DACH1: variants seen among roughly 807,000 people sequenced by gnomAD.
The protein encoded by DACH1 is dachshund family transcription factor 1.
A neutral mutation model predicts 54.2 loss-of-function variants in DACH1; 12 were observed. The ratio of observed to expected loss-of-function variants is 0.22; its 90% CI spans 0.14 to 0.36. DACH1 has a LOEUF of 0.36. Among genes scored for constraint, DACH1 ranks in the 10% least tolerant of loss-of-function variants. The pLI is 1.00. For synonymous variants in DACH1, 386 were observed against 366.2 expected, an observed-to-expected ratio of 1.05 and a Z score of -0.62; for missense variants, 805 against 929.8, an observed-to-expected ratio of 0.87 and a Z score of 1.75.
chr13:71,675,455 T>C (rs908079056), intron 2 of DACH1: 12 of 1,492,024 alleles, frequency 8.0e-6, no homozygotes, highest in Non-Finnish European at 1.0e-5. Flanking sequence ...GCACGCCGCA[T>C]ACGTGGAGAA....
chr13:71,609,788 A>G (rs958032160), intron 3 of DACH1, among the ~76,000 whole-genome samples: 4 of 152,146 alleles, frequency 2.6e-5, no homozygotes, highest in Non-Finnish European at 5.9e-5. Flanking sequence ...CAGCCTCCCA[A>G]AGTGCTGGGA....
At chr13:71,533,866 T>C (rs932120889) in intron 6 of DACH1, among the ~76,000 whole-genome samples, 3 of 152,026 alleles carry the variant, frequency 2.0e-5, no homozygotes, top group Non-Finnish European at 4.4e-5. Context: ...TTTTTATTGG[T>C]ATTTCAACAA....
intron 3 of DACH1, among the ~76,000 whole-genome samples, chr13:71,606,490 A>G (rs1421781501): frequency 6.6e-6 from 1 of 152,102 alleles, no homozygotes; most frequent in African/African-American, 2.4e-5. Context: ...ACAGATATAA[A>G]AAATCTTCCT....
chr13:71,465,796 T>C (rs1327621116), intron 10 of DACH1, among the ~76,000 whole-genome samples: 2 of 152,138 alleles, frequency 1.3e-5, no homozygotes, highest in African/African-American at 4.8e-5. Flanking sequence ...TTCCTAGTTA[T>C]TTGGAATTCA....
intron 2 of DACH1, among the ~76,000 whole-genome samples, chr13:71,668,408 T>C (rs1195336089): frequency 1.3e-5 from 2 of 152,060 alleles, no homozygotes; most frequent in African/African-American, 2.4e-5. Flanking sequence ...TCCAAAATTA[T>C]TGCATTTCTG....
At chr13:71,471,489 G>A (rs1011423738) in intron 10 of DACH1, among the ~76,000 whole-genome samples, 2 of 152,032 alleles carry the variant, frequency 1.3e-5, no homozygotes, top group Admixed American at 6.5e-5. Context: ...GGCCAGGAGC[G>A]GTGGCTCACG....
intron 1 of DACH1, among the ~76,000 whole-genome samples, chr13:71,815,910 C>T (rs1887899699): frequency 6.6e-6 from 1 of 151,772 alleles, no homozygotes; most frequent in Non-Finnish European, 1.5e-5. Context: ...ACGGTGAAAC[C>T]CCGTCTCTAC....
At chr13:71,487,279 T>C (rs1405280364) in intron 7 of DACH1, among the ~76,000 whole-genome samples, 1 of 152,172 alleles carries the variant, frequency 6.6e-6, no homozygotes, top group African/African-American at 2.4e-5. Flanking sequence ...ATCTACTCTT[T>C]TGAAAATATG....
At chr13:71,817,884 G>A (rs1262457183) in intron 1 of DACH1, among the ~76,000 whole-genome samples, 1 of 138,930 alleles carries the variant, frequency 7.2e-6, no homozygotes, top group African/African-American at 2.7e-5. Context: ...GCATGATCTC[G>A]GCTCACTGCA....
intron 4 of DACH1, among the ~76,000 whole-genome samples, chr13:71,568,276 G>A (rs1295673769): frequency 1.3e-5 from 2 of 152,004 alleles, no homozygotes; most frequent in African/African-American, 4.8e-5. Flanking sequence ...GGCATGAAAT[G>A]TACTGAGTCA....
chr13:71,656,524 C>T (rs1272492685), intron 2 of DACH1, among the ~76,000 whole-genome samples: 3 of 151,852 alleles, frequency 2.0e-5, no homozygotes, highest in South Asian at 2.1e-4. Flanking sequence ...TTTATCTTAC[C>T]CAAAATTGGA....
chr13:71,849,005 C>T (rs1873482311), intron 1 of DACH1, among the ~76,000 whole-genome samples: 1 of 152,180 alleles, frequency 6.6e-6, no homozygotes, highest in South Asian at 2.1e-4. Flanking sequence ...TTTCCTGACT[C>T]TTCTTATGAC....
At chr13:71,736,624 T>TC (rs774684027) in intron 1 of DACH1, among the ~76,000 whole-genome samples, 2 of 152,156 alleles carry the variant, frequency 1.3e-5, no homozygotes, top group Non-Finnish European at 2.9e-5. Context: ...CTATTTTTTT[T>TC]CCCGTAAGAA....
chr13:71,676,571 A>G (rs976318774), intron 2 of DACH1, among the ~76,000 whole-genome samples: 3 of 152,226 alleles, frequency 2.0e-5, no homozygotes, highest in African/African-American at 7.2e-5. Flanking sequence ...TGTTTAATGC[A>G]TTTAAACTAT....
At chr13:71,479,409 G>A in intron 7 of DACH1, 93 bp from the exon 8 acceptor site, 2 of 1,267,012 alleles carry the variant, frequency 1.6e-6, no homozygotes, top group East Asian at 2.3e-5. Context: ...AGAACCCAGT[G>A]ATCAAATGAC....
intron 2 of DACH1, among the ~76,000 whole-genome samples, chr13:71,646,556 A>G (rs1310585952): frequency 6.6e-6 from 1 of 152,182 alleles, no homozygotes; most frequent in African/African-American, 2.4e-5. Context: ...AAAAATGTGA[A>G]CACTATCTAC....
intron 1 of DACH1, among the ~76,000 whole-genome samples, chr13:71,824,645 C>T (rs1888313798): frequency 6.6e-6 from 1 of 152,008 alleles, no homozygotes; most frequent in Non-Finnish European, 1.5e-5. Flanking sequence ...CAATTCTCCA[C>T]ATCATTTCTT....
chr13:71,616,600 G>A lies in DACH1; in HGVS notation c.1126+13956C>T, dbSNP rs531315979. On this transcript the variant is annotated intron_variant, in intron 3 of 10. Transcript: ENST00000613252. The stretch of plus-strand genomic sequence containing the variant: ...AGAAAAAGAAAAATAGCCAGGTGTG[G>A]TGGCATATGCCTGTAGTCTTATTTA... Among the ~76,000 whole-genome samples the A allele has an allele frequency of 1.8e-3, 277 of 152,172 alleles. 1 individual carries two copies. Among genetic ancestry groups the A allele is most frequent in the Non-Finnish European group, 3.1e-3 (208 of 67,988 alleles).
intron 1 of DACH1, among the ~76,000 whole-genome samples, chr13:71,845,011 C>A (rs951314349): frequency 6.6e-6 from 1 of 152,062 alleles, no homozygotes; most frequent in Non-Finnish European, 1.5e-5. Context: ...CACAAAATTA[C>A]AGCTAAATAA....
Sources: gnomAD v4.1 joint callset for allele counts (sites outside exome capture counted in the v4.1 genomes callset) on GRCh38, gnomAD v4.1.1 for gene constraint, MANE v1.5 for transcripts, NCBI Gene and HGNC (gene_info 2026-07-23, HGNC 2026-07-21) for gene names.